Variants in NOX4 observed in about 807,000 individuals in gnomAD.
NOX4 encodes the protein kidney oxidase-1.
Under a neutral mutation model 87.6 loss-of-function variants are expected in NOX4, and 69 were observed. That is an observed-to-expected ratio of 0.79 (90% confidence interval 0.65 to 0.96). The LOEUF is 0.96. Among genes scored for constraint, NOX4 ranks in the 40% least tolerant of loss-of-function variants. NOX4 has a pLI of 0.00. For missense variants in NOX4, 680 were observed against 681.5 expected (o/e 1.00, Z 0.02); for synonymous variants, 275 against 238.2 (o/e 1.15, Z -1.42).
At chr11:89,465,018 C>A (rs1945614503) in intron 2 of NOX4, among the ~76,000 whole-genome samples, 1 of 152,038 alleles carries the variant, frequency 6.6e-6, no homozygotes, top group Middle Eastern at 3.2e-3. Flanking sequence ...ACTTTAAGTT[C>A]TGGGCTACAT....
chr11:89,406,534 A>G (rs1591143286), intron 8 of NOX4, among the ~76,000 whole-genome samples: 1 of 152,212 alleles, frequency 6.6e-6, no homozygotes, highest in East Asian at 1.9e-4. Flanking sequence ...TATTTTATTA[A>G]TTTTGGAATC....
At chr11:89,376,122 C>T (rs1317355103) in intron 11 of NOX4, among the ~76,000 whole-genome samples, 5 of 152,178 alleles carry the variant, frequency 3.3e-5, no homozygotes, top group Non-Finnish European at 5.9e-5. Flanking sequence ...AATATATCTT[C>T]GAATGCTAAT....
intron 2 of NOX4, among the ~76,000 whole-genome samples, chr11:89,476,766 A>G (rs1946185181): frequency 6.6e-6 from 1 of 152,208 alleles, no homozygotes; most frequent in Admixed American, 6.5e-5. Flanking sequence ...GGTAGATGCA[A>G]ACAATGGAAT....
the NOX4 span, among the ~76,000 whole-genome samples, chr11:89,584,329 C>T: frequency 0.26 from 38,879 of 151,996 alleles, 5,734 homozygotes; most frequent in Middle Eastern, 0.39. Flanking sequence ...TTTGCTGCCC[C>T]GATCACATTC....
At chr11:89,423,306 G>A (rs372266986) in intron 7 of NOX4, among the ~76,000 whole-genome samples, 189 of 152,120 alleles carry the variant, frequency 1.2e-3, no homozygotes, top group South Asian at 9.3e-3. Flanking sequence ...GTAGGATGGG[G>A]TATTATTTCA....
At chr11:89,514,740 TG>T in the NOX4 span, among the ~76,000 whole-genome samples, 1 of 152,020 alleles carries the variant, frequency 6.6e-6, no homozygotes, top group South Asian at 2.1e-4. Flanking sequence ...TCATGTTTTT[TG>T]TTCTATTATG....
chr11:89,569,874 C>T, the NOX4 span, among the ~76,000 whole-genome samples: 7 of 151,792 alleles, frequency 4.6e-5, no homozygotes, highest in East Asian at 5.8e-4. Flanking sequence ...TGGTGGCGGG[C>T]GCCTGTAATT....
At chr11:89,473,591 A>G (rs1464141910) in intron 2 of NOX4, among the ~76,000 whole-genome samples, 1 of 152,132 alleles carries the variant, frequency 6.6e-6, no homozygotes, top group Non-Finnish European at 1.5e-5. Flanking sequence ...CAATATAAAG[A>G]TCTTTTTCTC....
At chr11:89,332,700 T>C (rs1215344981) in intron 17 of NOX4, among the ~76,000 whole-genome samples, 5 of 151,862 alleles carry the variant, frequency 3.3e-5, no homozygotes, top group Non-Finnish European at 7.4e-5. Context: ...TGTGACAAGC[T>C]GACTATGCCC....
At chr11:89,576,673 TGA>T in the NOX4 span, among the ~76,000 whole-genome samples, 2 of 152,172 alleles carry the variant, frequency 1.3e-5, no homozygotes, top group Non-Finnish European at 2.9e-5. Context: ...AGGCAAATGG[TGA>T]GTATTTCTCA....
intron 17 of NOX4, among the ~76,000 whole-genome samples, chr11:89,327,912 G>C (rs1945286229): frequency 6.6e-6 from 1 of 152,132 alleles, no homozygotes; most frequent in South Asian, 2.1e-4. Context: ...CAAAATAGAT[G>C]AAATAAGTAT....
intron 17 of NOX4, among the ~76,000 whole-genome samples, chr11:89,334,034 G>A (rs11018585): frequency 2.6e-5 from 4 of 151,666 alleles, no homozygotes; most frequent in Non-Finnish European, 5.9e-5. Flanking sequence ...AGAACTAACT[G>A]TAGGAACCAA....
At chr11:89,501,863 G>C (rs546198839), upstream of NOX4, among the ~76,000 whole-genome samples, 1 of 152,194 alleles carries the variant, frequency 6.6e-6, no homozygotes. Context: ...AGGAGAATTT[G>C]AGATTTACTG....
the NOX4 span, among the ~76,000 whole-genome samples, chr11:89,585,370 C>T: frequency 6.6e-6 from 1 of 152,146 alleles, no homozygotes; most frequent in East Asian, 1.9e-4. Flanking sequence ...CTCAACTAGA[C>T]ACAAAATTCT....
At chr11:89,526,848 GA>G in the NOX4 span, among the ~76,000 whole-genome samples, 9 of 152,166 alleles carry the variant, frequency 5.9e-5, no homozygotes, top group African/African-American at 2.2e-4. Context: ...GGACTGGAGA[GA>G]GTGGGGTGTT....
the NOX4 span, among the ~76,000 whole-genome samples, chr11:89,515,091 T>C: frequency 2.6e-5 from 4 of 152,060 alleles, no homozygotes; most frequent in Non-Finnish European, 5.9e-5. Flanking sequence ...CAAGCCTTTG[T>C]GTGAACAGTT....
chr11:89,370,311 T>C (rs991943433), intron 12 of NOX4, among the ~76,000 whole-genome samples: 2 of 151,880 alleles, frequency 1.3e-5, no homozygotes, highest in Non-Finnish European at 2.9e-5. Context: ...CTCACAATTA[T>C]TGCTAATTCA....
At chr11:89,388,658 A>C (rs1940893825) in intron 11 of NOX4, among the ~76,000 whole-genome samples, 1 of 152,080 alleles carries the variant, frequency 6.6e-6, no homozygotes, top group South Asian at 2.1e-4. Flanking sequence ...CTAACCTAAA[A>C]CGTCATTCAT....
intron 1 of NOX4, 85 bp from the exon 2 acceptor site, chr11:89,490,638 G>T: frequency 3.1e-6 from 3 of 952,522 alleles, no homozygotes; most frequent in South Asian, 2.6e-5. Context: ...TAAATTCTTC[G>T]ACACAGTGCT....
Sources: gnomAD v4.1 joint callset for allele counts (sites outside exome capture counted in the v4.1 genomes callset) on GRCh38, gnomAD v4.1.1 for gene constraint, MANE v1.5 for transcripts, NCBI Gene and HGNC (gene_info 2026-07-23, HGNC 2026-07-21) for gene names.